ATP8B4: variants seen among roughly 807,000 people sequenced by gnomAD.
ATP8B4 encodes the protein probable phospholipid-transporting ATPase IM.
A neutral mutation model predicts 145.6 loss-of-function variants in ATP8B4; 133 were observed. The observed-to-expected ratio is 0.91, with a 90% CI of 0.79 to 1.05. The LOEUF (loss-of-function observed/expected upper bound fraction) is 1.05, where lower values mean the gene tolerates loss of function less well. ATP8B4 is among the 50% of genes least tolerant of loss of function. The pLI, the probability that ATP8B4 is intolerant of heterozygous loss-of-function variation, is 0.00. For missense variants in ATP8B4, 1,458 were observed against 1,425.2 expected (o/e 1.02, Z -0.37); for synonymous variants, 507 against 492.9 (o/e 1.03, Z -0.38).
intron 20 of ATP8B4, among the ~76,000 whole-genome samples, chr15:49,916,482 T>G (rs1167270902): frequency 1.3e-5 from 2 of 152,198 alleles, no homozygotes; most frequent in East Asian, 3.8e-4. Flanking sequence ...CAAACTTATC[T>G]GATCATAAGC....
At chr15:50,070,965 A>G (rs2053693678) in intron 3 of ATP8B4, among the ~76,000 whole-genome samples, 1 of 151,772 alleles carries the variant, frequency 6.6e-6, no homozygotes. Context: ...CTGGTCTCAA[A>G]CTCCTGACCT....
chr15:50,107,054 A>G, intron 1 of ATP8B4, 46 bp from the exon 2 acceptor site: 1 of 1,297,540 alleles, frequency 7.7e-7, no homozygotes, highest in South Asian at 1.6e-5. Flanking sequence ...AATGCACAAT[A>G]ACTATAAATT....
Position 50,010,858 on chromosome 15 carries a change from T to C in ATP8B4, c.422A>G (p.Asn141Ser). The stretch of plus-strand genomic sequence containing the variant: ...TTGAATACTTACAGCAACAAATTGG[T>C]TATTTTCTAATTTAATGATGTCTCC... ...KVGDIIKLENNQFVAADLLLL... is the reference protein window; with the variant it reads ...KVGDIIKLENSQFVAADLLLL... The change falls in exon 7 of 28, where the codon AAC becomes AGC. Residue 141 changes from asparagine to serine, a missense_variant. Transcript: ENST00000284509. 6.4e-7 allele frequency: 1 copy of C among 1,563,442 alleles called. No homozygotes were observed. The highest frequency in any genetic ancestry group is 8.7e-7 in the Non-Finnish European group (1 of 1,153,514).
At chr15:49,978,858 T>C (rs1245203065) in intron 12 of ATP8B4, among the ~76,000 whole-genome samples, 2 of 150,272 alleles carry the variant, frequency 1.3e-5, no homozygotes, top group Admixed American at 6.6e-5. Context: ...TTTGTGTGCA[T>C]AGACAGAGAG....
intron 23 of ATP8B4, among the ~76,000 whole-genome samples, chr15:49,893,062 CAA>C (rs2037002038): frequency 6.6e-6 from 1 of 152,210 alleles, no homozygotes; most frequent in Non-Finnish European, 1.5e-5. Context: ...TGAAGTCACA[CAA>C]ATGCTCTCTG....
At chr15:50,143,987 C>T (rs947428151) in intron 1 of ATP8B4, among the ~76,000 whole-genome samples, 3 of 152,176 alleles carry the variant, frequency 2.0e-5, no homozygotes, top group Non-Finnish European at 2.9e-5. Flanking sequence ...GATCATAAAA[C>T]ATTAGAATGG....
chr15:50,106,788 G>T, intron 2 of ATP8B4, 151 bp downstream of exon 2: 1 of 639,454 alleles, frequency 1.6e-6, no homozygotes, highest in Non-Finnish European at 2.5e-6. Context: ...TACACCCTTT[G>T]TAGTTACATG....
intron 25 of ATP8B4, among the ~76,000 whole-genome samples, chr15:49,871,750 A>T (rs1374680586): frequency 6.6e-6 from 1 of 152,180 alleles, no homozygotes; most frequent in African/African-American, 2.4e-5. Flanking sequence ...CATGCCAGAC[A>T]CTGGAAGCCT....
chr15:50,073,015 TATATAC>T (rs1177984563), intron 3 of ATP8B4, among the ~76,000 whole-genome samples: 93 of 35,848 alleles, frequency 2.6e-3, no homozygotes, highest in African/African-American at 4.4e-3. Flanking sequence ...TATATATATA[TATATAC>T]ACACACACAC....
chr15:49,957,259 G>T (rs1172807453), intron 14 of ATP8B4, among the ~76,000 whole-genome samples: 1 of 151,932 alleles, frequency 6.6e-6, no homozygotes. Flanking sequence ...GATCAATGCT[G>T]CCTTAAGAAA....
intron 3 of ATP8B4, among the ~76,000 whole-genome samples, chr15:50,048,536 C>T (rs1207564681): frequency 6.6e-6 from 1 of 151,756 alleles, no homozygotes; most frequent in African/African-American, 2.4e-5. Context: ...GATGAAACCC[C>T]CTCTCTACTA....
At position 49,860,146 on chromosome 15, in the gene ATP8B4, C is replaced by G. The variant is rs761895070; in HGVS notation, c.*48G>C. On this transcript the variant is annotated 3_prime_UTR_variant, in exon 28 of 28. Transcript: ENST00000284509. ...AACTCTGGAGCCAGCAGAATTTCAG[C>G]TCCACCTGAAGTGAAAAGATAACTA... 3 of 1,542,972 alleles carry G rather than the reference C, an allele frequency of 1.9e-6. No individual in the cohort carries two copies. Among genetic ancestry groups the G allele is most frequent in the East Asian group, 4.5e-5 (2 of 44,306 alleles).
Position 49,916,987 on chromosome 15 carries a change from A to G in ATP8B4, c.2088T>C (p.Asn696=), listed in dbSNP as rs752017665. ...YACNMLTDDM[N]DVFVIAGNNA... Reference sequence around the variant, plus strand: ...TATTCCCTGCTATCACAAACACATCATTCATGTCGTCAGTCAGCATGTTGC... The same window carrying G: ...TATTCCCTGCTATCACAAACACATCGTTCATGTCGTCAGTCAGCATGTTGC... Residue 696 remains asparagine, a synonymous_variant, in exon 20 of 28, where the codon AAT becomes AAC. Coordinates refer to ENST00000284509, the MANE Select transcript of ATP8B4 (RefSeq NM_024837.4). 2.5e-5 allele frequency: 41 copies of G among 1,613,778 alleles called. 1 individual carries two copies. The Middle Eastern group carries it at 3.5e-3, about 136-fold the overall frequency.
intron 9 of ATP8B4, 64 bp from the exon 10 acceptor site, chr15:49,987,613 A>G (rs1382147913): frequency 2.0e-6 from 3 of 1,515,682 alleles, no homozygotes; most frequent in African/African-American, 1.4e-5. Flanking sequence ...TCAGAAGCCC[A>G]CAGCACTGTT....
rs1294030211 is a variant in ATP8B4 at position 50,049,999 on chromosome 15, T to C, written c.88-2535A>G. Among the ~76,000 whole-genome samples, 7 of 152,318 alleles carry C rather than the reference T, an allele frequency of 4.6e-5. No individual in the cohort carries two copies. In the South Asian group the frequency reaches 1.2e-3, roughly 27 times the overall value. On this transcript the variant is annotated intron_variant, in intron 3 of 27. Coordinates refer to ENST00000284509, the MANE Select transcript of ATP8B4 (RefSeq NM_024837.4). ...CTTGCCACATAGCAAATTCCATGCCTGGGGTCACCTAGACCAAGTCTAAGG... is the reference window on the plus strand; with the variant it reads ...CTTGCCACATAGCAAATTCCATGCCCGGGGTCACCTAGACCAAGTCTAAGG...
chr15:49,976,391 T>C (rs530922392), intron 12 of ATP8B4, among the ~76,000 whole-genome samples: 5 of 145,996 alleles, frequency 3.4e-5, no homozygotes, highest in Admixed American at 2.1e-4. Flanking sequence ...CAATCAGTCT[T>C]GAGTGTATGA....
intron 7 of ATP8B4, among the ~76,000 whole-genome samples, chr15:50,004,906 A>G (rs2048191489): frequency 6.6e-6 from 1 of 152,206 alleles, no homozygotes. Flanking sequence ...AAGTGCTATG[A>G]AAGGAGTGCA....
chr15:49,892,112 TAA>T (rs564509918), intron 23 of ATP8B4, among the ~76,000 whole-genome samples: 46 of 115,390 alleles, frequency 4.0e-4, no homozygotes, highest in Admixed American at 2.7e-4. Flanking sequence ...AAGACTCACC[TAA>T]AAAAAAAAAA....
At chr15:50,150,805 A>T (rs2044337772) in intron 1 of ATP8B4, among the ~76,000 whole-genome samples, 1 of 152,252 alleles carries the variant, frequency 6.6e-6, no homozygotes, top group African/African-American at 2.4e-5. Context: ...GTAATATGAC[A>T]ATTCTAATTT....
Sources: gnomAD v4.1 joint callset for allele counts (sites outside exome capture counted in the v4.1 genomes callset) on GRCh38, gnomAD v4.1.1 for gene constraint, MANE v1.5 for transcripts, NCBI Gene and HGNC (gene_info 2026-07-23, HGNC 2026-07-21) for gene names.